Variants in ZRANB3 observed in about 807,000 individuals in gnomAD.
ZRANB3 encodes the protein DNA annealing helicase and endonuclease ZRANB3.
ZRANB3 carries 125 observed loss-of-function variants against 133.8 expected under a neutral mutation model. The ratio of observed to expected loss-of-function variants is 0.93; its 90% CI spans 0.81 to 1.08. The LOEUF (loss-of-function observed/expected upper bound fraction) is 1.08. ZRANB3 is among the 50% of genes least tolerant of loss of function. The pLI is 0.00. For missense variants in ZRANB3, 1,229 were observed against 1,275.5 expected (o/e 0.96, Z 0.56); for synonymous variants, 387 against 432.7 (o/e 0.89, Z 1.31).
intron 2 of ZRANB3, among the ~76,000 whole-genome samples, chr2:135,443,422 T>C (rs1689878693): frequency 6.6e-6 from 1 of 151,452 alleles, no homozygotes; most frequent in South Asian, 2.1e-4. Flanking sequence ...TTAGGAGAAA[T>C]ACCTAATGTA....
At position 135,415,873 on chromosome 2, in the gene ZRANB3, T is replaced by C. The variant is rs979888310; in HGVS notation, c.162-25053A>G. ...GACAAAAACCACATGATTATCTTAA[T>C]AGATGCAGAAAAGGCCTTTGACAAA... On this transcript the variant is annotated intron_variant, in intron 2 of 20. Transcript: ENST00000264159. 1.6e-4 allele frequency among the ~76,000 whole-genome samples: 25 copies of C among 152,244 alleles called. 1 individual carries two copies. Among genetic ancestry groups the C allele is most frequent in the South Asian group, 8.3e-4 (4 of 4,822 alleles).
intron 1 of ZRANB3, among the ~76,000 whole-genome samples, chr2:135,528,359 G>C (rs191037308): frequency 4.6e-5 from 7 of 152,086 alleles, no homozygotes; most frequent in South Asian, 2.1e-4. Flanking sequence ...TGTTGCCCAG[G>C]CTGGTCTAGA....
intron 2 of ZRANB3, among the ~76,000 whole-genome samples, chr2:135,416,836 C>G (rs929639793): frequency 2.0e-5 from 3 of 152,122 alleles, no homozygotes; most frequent in African/African-American, 7.2e-5. Context: ...TTTGACAAAC[C>G]TCAGAAAAAC....
At chr2:135,472,454 C>G (rs1181564949) in intron 2 of ZRANB3, among the ~76,000 whole-genome samples, 1 of 145,566 alleles carries the variant, frequency 6.9e-6, no homozygotes. Context: ...GAGCTGAGAT[C>G]GAGCTACTGC....
chr2:135,388,809 G>A (rs899170336), intron 3 of ZRANB3, among the ~76,000 whole-genome samples: 3 of 152,110 alleles, frequency 2.0e-5, no homozygotes, highest in Non-Finnish European at 4.4e-5. Flanking sequence ...GGGCACGATG[G>A]TTCACACCTG....
At chr2:135,227,769 A>G (rs374533310) in intron 14 of ZRANB3, 43 bp downstream of exon 14, 13 of 1,531,546 alleles carry the variant, frequency 8.5e-6, no homozygotes, top group Non-Finnish European at 1.2e-5. Context: ...GTGTGAAAGT[A>G]TATGGTTATT....
At chr2:135,462,008 G>A (rs1477991824) in intron 2 of ZRANB3, among the ~76,000 whole-genome samples, 1 of 152,166 alleles carries the variant, frequency 6.6e-6, no homozygotes. Context: ...GCGGGATAGA[G>A]TTGGACTAGT....
At chr2:135,416,740 G>T (rs1231398108) in intron 2 of ZRANB3, among the ~76,000 whole-genome samples, 1 of 152,084 alleles carries the variant, frequency 6.6e-6, no homozygotes, top group African/African-American at 2.4e-5. Flanking sequence ...AAAACAGCAT[G>T]GTCCTGGTAC....
chr2:135,425,157 G>C (rs1248594602), intron 2 of ZRANB3, among the ~76,000 whole-genome samples: 2 of 152,062 alleles, frequency 1.3e-5, no homozygotes, highest in African/African-American at 2.4e-5. Flanking sequence ...GACATGCAAG[G>C]CTCTCAAAGC....
chr2:135,401,149 T>C (rs1462287609), intron 2 of ZRANB3, among the ~76,000 whole-genome samples: 5 of 152,154 alleles, frequency 3.3e-5, no homozygotes, highest in Non-Finnish European at 7.3e-5. Context: ...TAGTGTGGAA[T>C]TGAGACATCA....
chr2:135,289,124 G>A (rs1254647261), intron 8 of ZRANB3, among the ~76,000 whole-genome samples: 1 of 151,972 alleles, frequency 6.6e-6, no homozygotes, highest in Non-Finnish European at 1.5e-5. Context: ...GATGGGCTGT[G>A]TCACTATTAT....
At chr2:135,519,208 T>C (rs1219987697) in intron 1 of ZRANB3, among the ~76,000 whole-genome samples, 2 of 152,194 alleles carry the variant, frequency 1.3e-5, no homozygotes, top group East Asian at 3.9e-4. Flanking sequence ...TGTGTCAATA[T>C]CCTGGTTGTA....
intron 8 of ZRANB3, among the ~76,000 whole-genome samples, chr2:135,305,758 G>C (rs1221611093): frequency 6.6e-6 from 1 of 152,054 alleles, no homozygotes; most frequent in African/African-American, 2.4e-5. Context: ...TTTTCTTATA[G>C]GGCTGTTCTA....
At position 135,275,342 on chromosome 2, in the gene ZRANB3, G is replaced by T. The variant is rs1680755424; in HGVS notation, c.1086+294C>A. Among the ~76,000 whole-genome samples the T allele has an allele frequency of 3.3e-5, 5 of 150,534 alleles. No individual in the cohort carries two copies. In the South Asian group the frequency reaches 1.0e-3, roughly 31 times the overall value. Reference sequence around the variant, plus strand: ...CAGATGGGGTGGCTGGCCAGGCGGGGGCTGACCCCCACCTCCCTCCCAGAT... The same window carrying T: ...CAGATGGGGTGGCTGGCCAGGCGGGTGCTGACCCCCACCTCCCTCCCAGAT... On this transcript the variant is annotated intron_variant, in intron 9 of 20. Transcript: ENST00000264159.
intron 1 of ZRANB3, among the ~76,000 whole-genome samples, chr2:135,514,481 A>G (rs1038939156): frequency 6.6e-6 from 1 of 152,188 alleles, no homozygotes; most frequent in Admixed American, 6.5e-5. Context: ...TGATTTTTGC[A>G]TACTGATTTT....
intron 6 of ZRANB3, among the ~76,000 whole-genome samples, chr2:135,342,933 G>C (rs1684748210): frequency 6.8e-6 from 1 of 146,236 alleles, no homozygotes; most frequent in African/African-American, 2.7e-5. Context: ...GGGAGGCTGA[G>C]GCAGGTGGAT....
intron 2 of ZRANB3, among the ~76,000 whole-genome samples, chr2:135,393,866 C>CT (rs370676459): frequency 1.9e-4 from 28 of 148,368 alleles, no homozygotes; most frequent in Middle Eastern, 3.4e-3. Context: ...AGTTATTAAC[C>CT]TTTTTTTTTT....
chr2:135,446,347 C>A (rs1279550096), intron 2 of ZRANB3, among the ~76,000 whole-genome samples: 1 of 152,096 alleles, frequency 6.6e-6, no homozygotes, highest in East Asian at 1.9e-4. Context: ...TACTTCTTGT[C>A]TGATAGCTTC....
At chr2:135,276,241 T>G (rs1021382830) in intron 8 of ZRANB3, among the ~76,000 whole-genome samples, 4 of 151,630 alleles carry the variant, frequency 2.6e-5, no homozygotes, top group South Asian at 2.1e-4. Flanking sequence ...AAAGTTTTTT[T>G]TTTTTTTTTT....
Sources: gnomAD v4.1 joint callset for allele counts (sites outside exome capture counted in the v4.1 genomes callset) on GRCh38, gnomAD v4.1.1 for gene constraint, MANE v1.5 for transcripts, NCBI Gene and HGNC (gene_info 2026-07-23, HGNC 2026-07-21) for gene names.